The following CPED1 variants were observed in gnomAD, a reference collection of about 807,000 sequenced individuals.
CPED1 encodes cadherin like and PC-esterase domain containing 1, also known as cadherin-like and PC-esterase domain-containing protein 1.
A neutral mutation model predicts 128.2 loss-of-function variants in CPED1; 114 were observed. That is an observed-to-expected ratio of 0.89 (90% CI 0.76 to 1.04). CPED1 has a LOEUF of 1.04. CPED1 is among the 50% of genes least tolerant of loss of function. CPED1 has a pLI of 0.00. For missense variants in CPED1, 1,211 were observed against 1,207.1 expected (o/e 1.00, Z -0.05); for synonymous variants, 462 against 426.7 (o/e 1.08, Z -1.02).
At chr7:121,038,911 AAG>A (rs949971277) in intron 3 of CPED1, among the ~76,000 whole-genome samples, 25 of 152,042 alleles carry the variant, frequency 1.6e-4, no homozygotes, top group Non-Finnish European at 3.5e-4. Flanking sequence ...ATGTCATGTC[AAG>A]AGTTTGTACT....
At chr7:120,995,592 C>T (rs959577708) in intron 2 of CPED1, among the ~76,000 whole-genome samples, 6 of 152,250 alleles carry the variant, frequency 3.9e-5, no homozygotes, top group African/African-American at 1.4e-4. Context: ...TTATAAAATA[C>T]TACAAAAATT....
At position 121,124,424 on chromosome 7, in the gene CPED1, G is replaced by T. The variant is rs187097612; in HGVS notation, c.1012G>T (p.Ala338Ser). 6.2e-7 allele frequency: 1 copy of T among 1,603,058 alleles called. No individual in the cohort carries two copies. Among genetic ancestry groups the T allele is most frequent in the Non-Finnish European group, 8.5e-7 (1 of 1,173,540 alleles). The change falls in exon 8 of 23, where the codon GCT becomes TCT. Residue 338 changes from alanine to serine, a missense_variant. Ala to Ser is a moderately conservative substitution (Grantham distance 99, BLOSUM62 1). Coordinates refer to ENST00000310396, the MANE Select transcript of CPED1 (RefSeq NM_024913.5). Reference sequence around the variant, plus strand: ...AGCAATTGGCAAACTACTGCTAGCGGCTGAAGTATTCAGTGAAACATCTAC... The same window carrying T: ...AGCAATTGGCAAACTACTGCTAGCGTCTGAAGTATTCAGTGAAACATCTAC... ...KEAIGKLLLA[A>S]EVFSETSTLG...
intron 16 of CPED1, among the ~76,000 whole-genome samples, chr7:121,160,183 T>C (rs1289181405): frequency 6.6e-6 from 1 of 152,140 alleles, no homozygotes; most frequent in Admixed American, 6.5e-5. Flanking sequence ...GTACATGAGA[T>C]TTAAAAATGC....
At chr7:121,204,806 A>G (rs1008272002) in intron 16 of CPED1, among the ~76,000 whole-genome samples, 1 of 152,162 alleles carries the variant, frequency 6.6e-6, no homozygotes, top group Non-Finnish European at 1.5e-5. Flanking sequence ...ATTTACAGGC[A>G]GAAATAATAG....
At chr7:121,206,128 T>C (rs1271063083) in intron 16 of CPED1, among the ~76,000 whole-genome samples, 1 of 151,978 alleles carries the variant, frequency 6.6e-6, no homozygotes, top group African/African-American at 2.4e-5. Flanking sequence ...TAAAGATAAA[T>C]ACCCCTCATT....
At chr7:121,208,701 C>A (rs1035134264) in intron 16 of CPED1, among the ~76,000 whole-genome samples, 2 of 151,944 alleles carry the variant, frequency 1.3e-5, no homozygotes, top group Admixed American at 6.6e-5. Context: ...ATCGTGCCAC[C>A]CTTGTCACAA....
intron 4 of CPED1, among the ~76,000 whole-genome samples, chr7:121,060,162 G>C (rs546924801): frequency 3.7e-4 from 56 of 152,330 alleles, no homozygotes; most frequent in Non-Finnish European, 5.7e-4. Context: ...TGCCAGCCCA[G>C]TGGCGCTGTG....
chr7:120,996,983 A>T, intron 2 of CPED1, among the ~76,000 whole-genome samples: 1 of 152,158 alleles, frequency 6.6e-6, no homozygotes. Flanking sequence ...CCTTATCTCT[A>T]CCCTGTCTCT....
At chr7:121,162,698 T>C (rs1421771533) in intron 16 of CPED1, among the ~76,000 whole-genome samples, 1 of 152,234 alleles carries the variant, frequency 6.6e-6, no homozygotes, top group Admixed American at 6.5e-5. Flanking sequence ...ATCTGTTTCC[T>C]CTCCATCTCA....
chr7:121,115,272 T>A (rs1795209282), intron 7 of CPED1, among the ~76,000 whole-genome samples: 2 of 152,220 alleles, frequency 1.3e-5, no homozygotes, highest in African/African-American at 4.8e-5. Flanking sequence ...ATAGCCCATG[T>A]AAAAGAATGA....
intron 18 of CPED1, among the ~76,000 whole-genome samples, chr7:121,251,329 G>T (rs1396821005): frequency 6.6e-6 from 1 of 152,124 alleles, no homozygotes; most frequent in African/African-American, 2.4e-5. Context: ...AACAATAACA[G>T]CTATCTATGA....
rs756263668 is a variant in CPED1 at position 121,244,233 on chromosome 7, G to A, written c.2205G>A (p.Ser735=). The part of the protein sequence containing the change: ...GQWIVPCLSC[S]DNRTCDWREI... ...GGATTGTGCCTTGCCTTAGTTGTTC[G>A]GACAACAGGACGTGTGACTGGAGAG... Residue 735 remains serine, a synonymous_variant, in exon 18 of 23, where the codon TCG becomes TCA. Transcript: ENST00000310396. 16 of 1,613,950 alleles carry A rather than the reference G, an allele frequency of 9.9e-6. No homozygotes were observed. The highest frequency in any genetic ancestry group is 5.3e-5 in the African/African-American group (4 of 74,892).
intron 18 of CPED1, among the ~76,000 whole-genome samples, chr7:121,259,188 C>A (rs1016223737): frequency 6.6e-6 from 1 of 152,016 alleles, no homozygotes; most frequent in Non-Finnish European, 1.5e-5. Context: ...AGGGAAGGAA[C>A]AAGACACAAA....
At chr7:121,264,464 G>T (rs1380922813) in intron 18 of CPED1, among the ~76,000 whole-genome samples, 1 of 152,018 alleles carries the variant, frequency 6.6e-6, no homozygotes, top group African/African-American at 2.4e-5. Context: ...ATGCAACCTG[G>T]CTGAGAGGAT....
chr7:121,136,029 T>TC lies in CPED1; in HGVS notation c.1649-11_1649-10insC. On this transcript the variant is annotated splice_polypyrimidine_tract_variant and intron_variant, in intron 13 of 22. Coordinates refer to ENST00000310396, the MANE Select transcript of CPED1 (RefSeq NM_024913.5). ...TTTTTATTTTAAATTTACATTTCTT[T>TC]TTTTTTTTAGCTGCAGTTCCACAAA... The TC allele has an allele frequency of 6.6e-7, 1 of 1,508,886 alleles. No homozygotes were observed. The highest frequency in any genetic ancestry group is 8.9e-7 in the Non-Finnish European group (1 of 1,125,922). The allele number at this position is 1,508,886 out of a possible 1,614,324, so 93.5% of individuals were successfully genotyped here.
chr7:121,109,248 G>A (rs191529913), intron 7 of CPED1, among the ~76,000 whole-genome samples: 10 of 152,184 alleles, frequency 6.6e-5, no homozygotes, highest in East Asian at 1.9e-4. Context: ...ACATAAAGAC[G>A]TATTTCATTG....
intron 16 of CPED1, among the ~76,000 whole-genome samples, chr7:121,235,444 G>C (rs1251341844): frequency 6.6e-6 from 1 of 151,978 alleles, no homozygotes; most frequent in Non-Finnish European, 1.5e-5. Flanking sequence ...TAATATCCTG[G>C]ACCTTTTTGT....
intron 16 of CPED1, among the ~76,000 whole-genome samples, chr7:121,191,482 T>C (rs570582614): frequency 1.3e-5 from 2 of 152,266 alleles, no homozygotes; most frequent in African/African-American, 4.8e-5. Flanking sequence ...TCTATGGCTG[T>C]TGAAATAAGA....
At chr7:121,187,152 T>G (rs1584580040) in intron 16 of CPED1, among the ~76,000 whole-genome samples, 1 of 152,162 alleles carries the variant, frequency 6.6e-6, no homozygotes, top group South Asian at 2.1e-4. Flanking sequence ...TAAATAAGGA[T>G]CCAAAATAAT....
Sources: allele counts gnomAD v4.1 joint callset (sites outside exome capture counted in the v4.1 genomes callset), GRCh38; gene constraint gnomAD v4.1.1; transcripts MANE v1.5; gene names NCBI Gene and HGNC (gene_info 2026-07-23, HGNC 2026-07-21).